ANO2: variants seen among roughly 807,000 people sequenced by gnomAD.
ANO2 encodes anoctamin-2.
Under a neutral mutation model 124.2 loss-of-function variants are expected in ANO2, and 101 were observed. The observed-to-expected ratio is 0.81, with a 90% CI of 0.69 to 0.96. ANO2 has a LOEUF of 0.96. Among genes scored for constraint, ANO2 ranks in the 40% least tolerant of loss-of-function variants. The pLI is 0.00. For missense variants in ANO2, 1,293 were observed against 1,274.5 expected (o/e 1.01, Z -0.22); for synonymous variants, 486 against 482.5 (o/e 1.01, Z -0.09).
At chr12:5,898,850 G>C (rs1161556362) in intron 3 of ANO2, among the ~76,000 whole-genome samples, 1 of 152,154 alleles carries the variant, frequency 6.6e-6, no homozygotes, top group Non-Finnish European at 1.5e-5. Flanking sequence ...AATTCACCAA[G>C]TTGTACAATA....
chr12:5,860,219 C>T (rs1224742601), intron 3 of ANO2, among the ~76,000 whole-genome samples: 4 of 152,164 alleles, frequency 2.6e-5, no homozygotes, highest in African/African-American at 9.7e-5. Context: ...TCAGCTTAAA[C>T]ATTCCTTCCT....
intron 3 of ANO2, among the ~76,000 whole-genome samples, chr12:5,855,603 T>C (rs1022421363): frequency 6.6e-6 from 1 of 152,172 alleles, no homozygotes; most frequent in African/African-American, 2.4e-5. Context: ...AAATAACAAT[T>C]ACCACAATGC....
intron 4 of ANO2, chr12:5,852,083 A>C: frequency 1.5e-6 from 1 of 683,176 alleles, no homozygotes; most frequent in Non-Finnish European, 2.7e-6. Flanking sequence ...TGGAGTTAGA[A>C]GGAAGACAGA....
chr12:5,644,235 T>A (rs60478772), intron 15 of ANO2, among the ~76,000 whole-genome samples: 3,439 of 152,308 alleles, frequency 0.023, 134 homozygotes, highest in African/African-American at 0.079. Context: ...TTTCTTCTGT[T>A]TGGACACCCA....
At chr12:5,625,152 C>T (rs578003889) in intron 16 of ANO2, among the ~76,000 whole-genome samples, 83 of 152,026 alleles carry the variant, frequency 5.5e-4, no homozygotes, top group African/African-American at 1.9e-3. Context: ...AAGGATGTGA[C>T]AAAATTAAAT....
intron 14 of ANO2, among the ~76,000 whole-genome samples, chr12:5,699,122 C>T (rs1358342053): frequency 1.3e-5 from 2 of 152,106 alleles, no homozygotes; most frequent in Non-Finnish European, 2.9e-5. Context: ...AGAAGAGCAA[C>T]TCCAAGACAC....
chr12:5,893,801 C>G (rs1939578958), intron 3 of ANO2, among the ~76,000 whole-genome samples: 1 of 152,116 alleles, frequency 6.6e-6, no homozygotes. Context: ...TCATCTGTGT[C>G]TGTGCAAAGG....
chr12:5,806,936 T>C (rs1953214849), intron 8 of ANO2, among the ~76,000 whole-genome samples: 1 of 152,236 alleles, frequency 6.6e-6, no homozygotes, highest in Admixed American at 6.5e-5. Context: ...TAGGGATTAC[T>C]CACGCCTTTC....
chr12:5,578,088 T>C (rs1229695344), intron 21 of ANO2, 81 bp from the exon 22 acceptor site: 17 of 1,519,588 alleles, frequency 1.1e-5, no homozygotes, highest in East Asian at 2.3e-5. Context: ...AGGTGATGTT[T>C]TGCAGGTGAA....
chr12:5,635,179 C>A lies in ANO2; in HGVS notation c.1789G>T (p.Ala597Ser). The change falls in exon 16 of 25, where the codon GCT becomes TCT. Residue 597 changes from alanine to serine, a missense_variant. Physicochemically the swap from Ala to Ser is moderately conservative, Grantham distance 99. Transcript: ENST00000682330. The surrounding 1 kb of genome is among the most constrained non-coding windows in gnomAD (Gnocchi z 5.2). ...ATTTTGGTGAGCCACTTGGCCACAG[C>A]GCCGTAGATCTCGTCCAGGATGAGG... is the stretch of plus-strand genomic sequence containing the variant. ...VILILDEIYG[A>S]VAKWLTKIEV... 1 of 1,594,294 alleles carries A rather than the reference C, an allele frequency of 6.3e-7. No individual in the cohort carries two copies.
At chr12:5,938,111 G>A (rs1018912307) in intron 1 of ANO2, among the ~76,000 whole-genome samples, 3 of 152,120 alleles carry the variant, frequency 2.0e-5, no homozygotes, top group African/African-American at 7.2e-5. Context: ...GACTCACGAA[G>A]GGTCCCCAAA....
chr12:5,563,246 G>C lies in ANO2; in HGVS notation c.*53C>G. The C allele has an allele frequency of 6.5e-7, 1 of 1,546,384 alleles. No homozygotes were observed. ...CATGTGGGTGTAGGAACATGCTTACGTGCATGTGCGTGTCTCTGCTGCCGT... is the reference window on the plus strand; with the variant it reads ...CATGTGGGTGTAGGAACATGCTTACCTGCATGTGCGTGTCTCTGCTGCCGT... On this transcript the variant is annotated 3_prime_UTR_variant, in exon 25 of 25. Transcript: ENST00000682330.
intron 14 of ANO2, among the ~76,000 whole-genome samples, chr12:5,704,366 G>A (rs1035590689): frequency 3.9e-5 from 6 of 152,122 alleles, no homozygotes; most frequent in African/African-American, 7.2e-5. Flanking sequence ...CCCACCATGC[G>A]CCCTGGTGAG....
At chr12:5,920,986 CCG>C in intron 3 of ANO2, 52 bp downstream of exon 3, 1 of 1,551,814 alleles carries the variant, frequency 6.4e-7, no homozygotes, top group Non-Finnish European at 8.7e-7. Flanking sequence ...CACTAGGAGC[CCG>C]GTTCTGTGGT....
chr12:5,754,503 T>C (rs1951523264), intron 10 of ANO2, among the ~76,000 whole-genome samples: 1 of 152,192 alleles, frequency 6.6e-6, no homozygotes, highest in African/African-American at 2.4e-5. Flanking sequence ...TAATTTTTCT[T>C]TGAATGTTTG....
chr12:5,714,964 A>AGTG (rs1362381318), intron 14 of ANO2, among the ~76,000 whole-genome samples: 1 of 152,200 alleles, frequency 6.6e-6, no homozygotes, highest in Non-Finnish European at 1.5e-5. Context: ...GGGGAGATAA[A>AGTG]GTGACTATCG....
At chr12:5,912,078 T>C (rs149149176) in intron 3 of ANO2, among the ~76,000 whole-genome samples, 157 of 152,322 alleles carry the variant, frequency 1.0e-3, no homozygotes, top group African/African-American at 3.3e-3. Context: ...CAACCCCTTC[T>C]GAGGAATCCT....
chr12:5,740,355 AG>A (rs1289661206), intron 12 of ANO2: 1 of 176,724 alleles, frequency 5.7e-6, no homozygotes, highest in African/African-American at 2.4e-5. Context: ...TCCTACACCC[AG>A]GAGCTTGTCT....
intron 5 of ANO2, among the ~76,000 whole-genome samples, chr12:5,831,874 C>T (rs915731796): frequency 2.0e-5 from 3 of 152,258 alleles, no homozygotes; most frequent in Non-Finnish European, 4.4e-5. Context: ...TGATGCTTGG[C>T]GGCTGCATCT....
Sources: allele counts gnomAD v4.1 joint callset (sites outside exome capture counted in the v4.1 genomes callset), GRCh38; gene constraint gnomAD v4.1.1; non-coding constraint Gnocchi (gnomAD v3.1); transcripts MANE v1.5; gene names NCBI Gene and HGNC (gene_info 2026-07-23, HGNC 2026-07-21).